The following PRKG1 variants were observed in gnomAD, a reference collection of about 807,000 sequenced individuals.
PRKG1 encodes protein kinase cGMP-dependent 1.
A neutral mutation model predicts 88.1 loss-of-function variants in PRKG1; 35 were observed. The ratio of observed to expected loss-of-function variants is 0.40; its 90% CI spans 0.30 to 0.53. The LOEUF (loss-of-function observed/expected upper bound fraction) is 0.53, where lower values mean the gene tolerates loss of function less well. Among genes scored for constraint, PRKG1 ranks in the 20% least tolerant of loss-of-function variants. The pLI is 0.59. For missense variants in PRKG1, 540 were observed against 839.8 expected (o/e 0.64, Z 4.41); for synonymous variants, 303 against 292.5 (o/e 1.04, Z -0.37).
chr10:51,112,093 G>A (rs1034566412), intron 1 of PRKG1, among the ~76,000 whole-genome samples: 4 of 152,114 alleles, frequency 2.6e-5, no homozygotes, highest in Non-Finnish European at 5.9e-5. Flanking sequence ...GTTAAAGACA[G>A]TAAAGAACTT....
intron 3 of PRKG1, among the ~76,000 whole-genome samples, chr10:51,616,418 G>A (rs1839056497): frequency 1.3e-5 from 2 of 152,188 alleles, no homozygotes; most frequent in South Asian, 4.1e-4. Flanking sequence ...TGTGGAGCAG[G>A]AGTGAACAGT....
intron 2 of PRKG1, among the ~76,000 whole-genome samples, chr10:51,241,944 A>C (rs1213724071): frequency 1.3e-5 from 2 of 151,968 alleles, no homozygotes; most frequent in African/African-American, 4.8e-5. Context: ...TTGCCAGTGG[A>C]GAATGGCTTT....
chr10:51,466,257 G>T (rs897651358), intron 2 of PRKG1, among the ~76,000 whole-genome samples: 79 of 152,130 alleles, frequency 5.2e-4, no homozygotes, highest in African/African-American at 1.9e-3. Context: ...ATTTTGATGG[G>T]GAAGAATTTT....
At chr10:52,000,629 T>C (rs1589503050) in intron 5 of PRKG1, among the ~76,000 whole-genome samples, 1 of 152,172 alleles carries the variant, frequency 6.6e-6, no homozygotes, top group South Asian at 2.1e-4. Flanking sequence ...ACTGGACTTC[T>C]TATAACTTGA....
chr10:51,587,865 A>G (rs1332926437), intron 3 of PRKG1, among the ~76,000 whole-genome samples: 1 of 152,212 alleles, frequency 6.6e-6, no homozygotes, highest in Non-Finnish European at 1.5e-5. Context: ...ATTATGTAAG[A>G]GACAATGGAC....
chr10:51,874,408 C>G (rs1841240329), intron 4 of PRKG1, among the ~76,000 whole-genome samples: 1 of 152,166 alleles, frequency 6.6e-6, no homozygotes, highest in African/African-American at 2.4e-5. Flanking sequence ...AGTAGTAGTA[C>G]AGATAACATC....
chr10:51,406,937 T>C (rs1837936893), intron 2 of PRKG1, among the ~76,000 whole-genome samples: 1 of 152,090 alleles, frequency 6.6e-6, no homozygotes, highest in East Asian at 1.9e-4. Flanking sequence ...CCAGTCCGAG[T>C]TCCAAAACTG....
intron 9 of PRKG1, among the ~76,000 whole-genome samples, chr10:52,228,572 C>T (rs1840447801): frequency 6.6e-6 from 1 of 152,168 alleles, no homozygotes; most frequent in African/African-American, 2.4e-5. Flanking sequence ...TTTCATTTTA[C>T]CTGAGCAAAC....
intron 2 of PRKG1, among the ~76,000 whole-genome samples, chr10:51,358,248 A>G (rs923907187): frequency 2.6e-5 from 4 of 151,878 alleles, no homozygotes; most frequent in African/African-American, 9.7e-5. Context: ...ATTTCCCTCC[A>G]TGGAGGCCTC....
intron 9 of PRKG1, among the ~76,000 whole-genome samples, chr10:52,178,648 A>AT (rs1465026469): frequency 6.6e-6 from 1 of 152,060 alleles, no homozygotes; most frequent in Non-Finnish European, 1.5e-5. Context: ...TAGATCTAAT[A>AT]ATATTTGCTC....
At chr10:51,881,106 A>C (rs777570654) in intron 4 of PRKG1, among the ~76,000 whole-genome samples, 1 of 152,086 alleles carries the variant, frequency 6.6e-6, no homozygotes, top group African/African-American at 2.4e-5. Flanking sequence ...GCATATGTGA[A>C]GATCCTGTGC....
At chr10:51,636,181 G>A (rs185851512) in intron 3 of PRKG1, among the ~76,000 whole-genome samples, 97 of 152,120 alleles carry the variant, frequency 6.4e-4, no homozygotes, top group Admixed American at 1.2e-3. Context: ...TTGCATATCC[G>A]CTTTTTATGC....
At chr10:51,350,989 C>G (rs1170739111) in intron 2 of PRKG1, among the ~76,000 whole-genome samples, 1 of 152,118 alleles carries the variant, frequency 6.6e-6, no homozygotes, top group Non-Finnish European at 1.5e-5. Context: ...TTGTTCAACT[C>G]CTACTTATGA....
At chr10:51,752,381 A>G (rs1837749696) in intron 3 of PRKG1, among the ~76,000 whole-genome samples, 1 of 152,174 alleles carries the variant, frequency 6.6e-6, no homozygotes, top group Non-Finnish European at 1.5e-5. Context: ...TGTCTCCTCT[A>G]ATCTCCAAAT....
At chr10:51,935,647 C>T (rs558626506) in intron 5 of PRKG1, among the ~76,000 whole-genome samples, 1 of 152,192 alleles carries the variant, frequency 6.6e-6, no homozygotes, top group East Asian at 1.9e-4. Flanking sequence ...GCTTCTTATT[C>T]CTTATAATAT....
chr10:52,030,425 T>C (rs184885465), intron 5 of PRKG1, among the ~76,000 whole-genome samples: 1 of 152,352 alleles, frequency 6.6e-6, no homozygotes, highest in East Asian at 1.9e-4. Flanking sequence ...ACTCCACTTA[T>C]GCGTCTCCTC....
intron 9 of PRKG1, among the ~76,000 whole-genome samples, chr10:52,209,635 C>T (rs1839911499): frequency 6.6e-6 from 1 of 152,172 alleles, no homozygotes. Flanking sequence ...GTCATAATCT[C>T]ATGAGGCTCA....
upstream of PRKG1, chr10:51,074,467 C>A: frequency 6.8e-7 from 1 of 1,464,722 alleles, no homozygotes; most frequent in Non-Finnish European, 9.0e-7. Flanking sequence ...TGGCTTTGGT[C>A]TCAAGTAGGA....
At chr10:51,784,197 T>G (rs191546006) in intron 3 of PRKG1, among the ~76,000 whole-genome samples, 1 of 152,068 alleles carries the variant, frequency 6.6e-6, no homozygotes, top group Non-Finnish European at 1.5e-5. Flanking sequence ...GCAGAGTCTC[T>G]TAGTTGTGTT....
Sources: allele counts gnomAD v4.1 joint callset (sites outside exome capture counted in the v4.1 genomes callset), GRCh38; gene constraint gnomAD v4.1.1; transcripts MANE v1.5; gene names NCBI Gene and HGNC (gene_info 2026-07-23, HGNC 2026-07-21).